SPTBN1: variants seen among roughly 807,000 people sequenced by gnomAD.
SPTBN1 encodes the protein spectrin beta chain, non-erythrocytic 1.
In SPTBN1, 32 loss-of-function variants were observed where a neutral mutation model predicts 266.4. The ratio of observed to expected loss-of-function variants is 0.12; its 90% confidence interval spans 0.09 to 0.16. The LOEUF (loss-of-function observed/expected upper bound fraction) is 0.16, where lower values mean the gene tolerates loss of function less well. Ranked by LOEUF, SPTBN1 falls within the 10% of genes least tolerant of loss-of-function variation. SPTBN1 has a pLI of 1.00. For missense variants in SPTBN1, 2,296 were observed against 3,067.1 expected (o/e 0.75, Z 5.94); for synonymous variants, 1,336 against 1,162.2 (o/e 1.15, Z -3.04).
intron 3 of SPTBN1, among the ~76,000 whole-genome samples, chr2:54,601,173 C>T (rs1042753207): frequency 3.3e-5 from 5 of 152,212 alleles, no homozygotes; most frequent in Middle Eastern, 3.4e-3. Flanking sequence ...CTTAGGCAGT[C>T]GATATCAGTA....
intron 2 of SPTBN1, among the ~76,000 whole-genome samples, chr2:54,579,530 C>G (rs59039394): frequency 3.9e-5 from 6 of 152,198 alleles, no homozygotes; most frequent in African/African-American, 1.4e-4. Flanking sequence ...ATATAGCTCT[C>G]TTAATACCTG....
At chr2:54,490,214 GCT>G (rs1399776323) in intron 1 of SPTBN1, among the ~76,000 whole-genome samples, 2 of 151,872 alleles carry the variant, frequency 1.3e-5, no homozygotes, top group African/African-American at 4.8e-5. Flanking sequence ...TGGGATTACA[GCT>G]GCGTGCCACC....
intron 1 of SPTBN1, among the ~76,000 whole-genome samples, chr2:54,463,396 C>G (rs1443773100): frequency 1.3e-5 from 2 of 152,236 alleles, no homozygotes; most frequent in African/African-American, 4.8e-5. Flanking sequence ...GTTTGAGGTT[C>G]CAGCACAATC....
At chr2:54,573,643 G>T (rs1674245713) in intron 2 of SPTBN1, among the ~76,000 whole-genome samples, 1 of 152,194 alleles carries the variant, frequency 6.6e-6, no homozygotes, top group African/African-American at 2.4e-5. Context: ...ATTTGCTAAG[G>T]TTTTCTGCGT....
At chr2:54,659,409 T>C in intron 31 of SPTBN1, 143 bp downstream of exon 31, 1 of 782,166 alleles carries the variant, frequency 1.3e-6, no homozygotes. Flanking sequence ...TTAAAGGCTG[T>C]ACAGTTATCC....
chr2:54,624,536 T>C (rs545030841), intron 10 of SPTBN1, among the ~76,000 whole-genome samples: 3 of 152,360 alleles, frequency 2.0e-5, no homozygotes, highest in Admixed American at 1.3e-4. Context: ...AATTTACTTA[T>C]ATTGCTTCAT....
At position 54,667,622 on chromosome 2, in the gene SPTBN1, G is replaced by C; in HGVS notation, c.6852G>C (p.Glu2284Asp). The C allele has an allele frequency of 6.2e-7, 1 of 1,613,934 alleles. No homozygotes were observed. Among genetic ancestry groups the C allele is most frequent in the Non-Finnish European group, 8.5e-7 (1 of 1,179,856 alleles). Residue 2284 changes from glutamate (E) to aspartate (D), a missense_variant, in exon 35 of 36, where the codon GAG becomes GAC. Transcript: ENST00000356805. ...ATTACAGACTAAATGATGGCAATGA[G>C]TACCTCTTCCAAGCCAAAGACGATG... Reference protein sequence around the residue: ...VFKLRLNDGNEYLFQAKDDEE... With the variant: ...VFKLRLNDGNDYLFQAKDDEE...
intron 3 of SPTBN1, among the ~76,000 whole-genome samples, chr2:54,609,342 T>A (rs1677065116): frequency 6.6e-6 from 1 of 152,238 alleles, no homozygotes; most frequent in Non-Finnish European, 1.5e-5. Flanking sequence ...CTTTTTGCCA[T>A]ATCCACAACC....
intron 18 of SPTBN1, among the ~76,000 whole-genome samples, chr2:54,641,884 C>T (rs183457894): frequency 7.3e-4 from 111 of 152,310 alleles, no homozygotes; most frequent in African/African-American, 2.6e-3. Context: ...GTAAGTACTT[C>T]TACTGGTTTT....
intron 27 of SPTBN1, among the ~76,000 whole-genome samples, chr2:54,654,464 C>A (rs1558474245): frequency 6.6e-6 from 1 of 152,168 alleles, no homozygotes; most frequent in Non-Finnish European, 1.5e-5. Flanking sequence ...CCAGCCCCCA[C>A]TGTAATTGAG....
intron 1 of SPTBN1, among the ~76,000 whole-genome samples, chr2:54,514,792 C>T (rs79278561): frequency 0.011 from 1,722 of 152,328 alleles, 16 homozygotes; most frequent in Non-Finnish European, 0.016. Context: ...TCTGTACTAA[C>T]CAACTCCATC....
chr2:54,520,038 T>C (rs940951047), intron 1 of SPTBN1, among the ~76,000 whole-genome samples: 1 of 152,112 alleles, frequency 6.6e-6, no homozygotes, highest in African/African-American at 2.4e-5. Context: ...ACCTGCACCT[T>C]GCAGGGAGCA....
At chr2:54,506,922 G>C (rs948250910) in intron 1 of SPTBN1, among the ~76,000 whole-genome samples, 2 of 105,420 alleles carry the variant, frequency 1.9e-5, no homozygotes, top group Non-Finnish European at 3.6e-5. Flanking sequence ...CAACAAGACT[G>C]TTTATTTCAC....
In SPTBN1 at chr2:54,558,836, C is replaced by T; in HGVS notation, c.148+32270C>T. ...GCCGCTGTCGCCGGCGTACACGGGG[C>T]AGGTGCCTTACAACTACAACCAGCT... On this transcript the variant is annotated intron_variant, in intron 2 of 35. Coordinates refer to ENST00000356805, the MANE Select transcript of SPTBN1 (RefSeq NM_003128.3). This position sits in a 1 kb window ranked among gnomAD's most constrained non-coding sequence, Gnocchi z 4.6. 1 of 1,613,880 alleles carries T rather than the reference C, an allele frequency of 6.2e-7. No homozygotes were observed. Among genetic ancestry groups the T allele is most frequent in the South Asian group, 1.1e-5 (1 of 91,058 alleles).
chr2:54,502,188 C>G (rs556146298), intron 1 of SPTBN1, among the ~76,000 whole-genome samples: 1 of 152,126 alleles, frequency 6.6e-6, no homozygotes, highest in Non-Finnish European at 1.5e-5. Context: ...TGGTTCTGAT[C>G]GGGGAGCTGG....
chr2:54,623,405 T>C (rs1678121648), intron 9 of SPTBN1, 74 bp from the exon 10 acceptor site: 1 of 1,294,946 alleles, frequency 7.7e-7, no homozygotes, highest in Non-Finnish European at 1.1e-6. Flanking sequence ...CAGAGTTAAA[T>C]GGTTTTTAAA....
rs568441626 is a variant in SPTBN1 at position 54,587,193 on chromosome 2, C to G, written c.149-11899C>G. On this transcript the variant is annotated intron_variant, in intron 2 of 35. Transcript: ENST00000356805. The stretch of plus-strand genomic sequence containing the variant: ...TATCCAAGGCTCCTACAACAAAAGC[C>G]TACCTTTAGCCCTTGAAAATGAAGT... Among the ~76,000 whole-genome samples the G allele has an allele frequency of 2.0e-5, 3 of 152,302 alleles. No individual in the cohort carries two copies. The East Asian group carries it at 5.8e-4, about 29-fold the overall frequency.
Position 54,632,734 on chromosome 2 carries a change from C to T in SPTBN1, c.3733C>T (p.Arg1245Cys). Residue 1245 changes from arginine to cysteine, a missense_variant, in exon 17 of 36, where the codon CGC becomes TGC. Coordinates refer to ENST00000356805, the MANE Select transcript of SPTBN1 (RefSeq NM_003128.3). ...GAGCGATGGGAACATCAACTCAGATCGCATCCAGGAGAAGGTGGACTCTAT... is the reference window on the plus strand; with the variant it reads ...GAGCGATGGGAACATCAACTCAGATTGCATCCAGGAGAAGGTGGACTCTAT... ...LVSDGNINSD[R>C]IQEKVDSIDD... 1 of 1,614,152 alleles carries T rather than the reference C, an allele frequency of 6.2e-7. No homozygotes were observed. The highest frequency in any genetic ancestry group is 8.5e-7 in the Non-Finnish European group (1 of 1,180,040).
chr2:54,665,061 T>G (rs1681283376), intron 33 of SPTBN1, among the ~76,000 whole-genome samples: 1 of 152,222 alleles, frequency 6.6e-6, no homozygotes, highest in Non-Finnish European at 1.5e-5. Flanking sequence ...GATCTCCATA[T>G]CAGCCTTTAT....
Sources: allele counts gnomAD v4.1 joint callset (sites outside exome capture counted in the v4.1 genomes callset), GRCh38; gene constraint gnomAD v4.1.1; non-coding constraint Gnocchi (gnomAD v3.1); transcripts MANE v1.5; gene names NCBI Gene and HGNC (gene_info 2026-07-23, HGNC 2026-07-21).